ZNF680: variants seen among roughly 807,000 people sequenced by gnomAD.
ZNF680 encodes the protein hypothetical protein FLJ90430.
ZNF680 carries 6 observed loss-of-function variants against 12.1 expected under a neutral mutation model. The ratio of observed to expected loss-of-function variants is 0.49; its 90% CI spans 0.27 to 0.98. The LOEUF (loss-of-function observed/expected upper bound fraction) is 0.98, where lower values mean the gene tolerates loss of function less well. Among genes scored for constraint, ZNF680 ranks in the 50% least tolerant of loss-of-function variants. ZNF680 has a pLI of 0.12. For synonymous variants in ZNF680, 170 were observed against 199.3 expected (o/e 0.85, Z 1.24); for missense variants, 561 against 616.3 (o/e 0.91, Z 0.95).
intron 1 of ZNF680, among the ~76,000 whole-genome samples, chr7:64,556,368 T>C (rs1186193112): frequency 6.6e-6 from 1 of 150,984 alleles, no homozygotes; most frequent in Non-Finnish European, 1.5e-5. Context: ...GCAGGTGGCA[T>C]TACATTACCT....
At chr7:64,542,946 GC>G (rs1379782331) in intron 3 of ZNF680, among the ~76,000 whole-genome samples, 1 of 152,146 alleles carries the variant, frequency 6.6e-6, no homozygotes, top group South Asian at 2.1e-4. Context: ...TGATCTCCCT[GC>G]CTTGGCCTCC....
chr7:64,534,715 T>C (rs942521378), intron 3 of ZNF680, among the ~76,000 whole-genome samples: 4 of 152,176 alleles, frequency 2.6e-5, no homozygotes, highest in Admixed American at 2.6e-4. Context: ...TGCACACGCA[T>C]GTTTATAGCA....
intron 3 of ZNF680, among the ~76,000 whole-genome samples, chr7:64,523,465 CAGAG>C (rs1791654905): frequency 6.6e-6 from 1 of 151,828 alleles, no homozygotes; most frequent in East Asian, 1.9e-4. Context: ...CCAAGGATGA[CAGAG>C]AGAAAATCAG....
chr7:64,557,590 A>C (rs879343080), intron 1 of ZNF680, among the ~76,000 whole-genome samples: 15 of 151,784 alleles, frequency 9.9e-5, no homozygotes, highest in East Asian at 1.9e-4. Flanking sequence ...CAAAACAAAA[A>C]AAAACTTACC....
chr7:64,499,839 T>C, the ZNF680 span, among the ~76,000 whole-genome samples: 6 of 152,288 alleles, frequency 3.9e-5, no homozygotes, highest in East Asian at 1.2e-3. Context: ...CCTCATACAA[T>C]GGGCCCCAGT....
the ZNF680 span, among the ~76,000 whole-genome samples, chr7:64,504,347 G>GC: frequency 9.9e-5 from 15 of 152,258 alleles, no homozygotes; most frequent in East Asian, 2.9e-3. Flanking sequence ...GTATTCACGT[G>GC]CCAAACACTG....
Position 64,522,496 on chromosome 7 carries a change from T to G in ZNF680, c.258A>C (p.Ile86=). The G allele has an allele frequency of 6.8e-7, 1 of 1,473,146 alleles. No homozygotes were observed. The highest frequency in any genetic ancestry group is 1.8e-4 in the Middle Eastern group (1 of 5,452). 91.3% of individuals were successfully genotyped at this position (1,473,146 alleles called of 1,614,324 possible). The change falls in exon 4 of 4, where the codon ATA becomes ATC. Residue 86 remains isoleucine (I), a synonymous_variant. Coordinates refer to ENST00000309683, the MANE Select transcript of ZNF680 (RefSeq NM_178558.5). ...AAAGGTCTTCAGTGAAATGAGAATA[T>G]ATAACTGAAAGACATAAAAGTAACA... ...RQEMVAKPPV[I]YSHFTEDLWP...
the ZNF680 span, among the ~76,000 whole-genome samples, chr7:64,508,147 A>ATATATATATATATATATATATAT: frequency 9.0e-4 from 121 of 135,184 alleles, no homozygotes; most frequent in African/African-American, 2.8e-3. Flanking sequence ...ATATATACAT[A>ATATATATATATATATATATATAT]ATTTTTTTTT....
downstream of ZNF680, among the ~76,000 whole-genome samples, chr7:64,517,118 G>C (rs964375409): frequency 1.3e-5 from 2 of 151,506 alleles, no homozygotes; most frequent in South Asian, 4.1e-4. Context: ...GCTCAGTGCA[G>C]AACTAAATAA....
intron 1 of ZNF680, chr7:64,551,884 TTCTC>T (rs1423932697): frequency 6.6e-6 from 1 of 152,188 alleles, no homozygotes; most frequent in Non-Finnish European, 1.5e-5. Context: ...TATAAAATAT[TTCTC>T]TCTAAATACC....
intron 3 of ZNF680, among the ~76,000 whole-genome samples, chr7:64,541,833 C>A (rs1275124518): frequency 6.6e-6 from 1 of 151,320 alleles, no homozygotes; most frequent in African/African-American, 2.4e-5. Flanking sequence ...GGCAGGCCTG[C>A]AGACCTTGTC....
chr7:64,516,981 G>A (rs1791368356), downstream of ZNF680, among the ~76,000 whole-genome samples: 1 of 152,074 alleles, frequency 6.6e-6, no homozygotes, highest in South Asian at 2.1e-4. Flanking sequence ...TAAGAGGAAA[G>A]TCCATAGCTT....
the ZNF680 span, among the ~76,000 whole-genome samples, chr7:64,513,101 T>A: frequency 2.6e-5 from 4 of 152,112 alleles, no homozygotes; most frequent in Non-Finnish European, 5.9e-5. Flanking sequence ...TGCCCCTAAC[T>A]ATGCTAAAAA....
chr7:64,503,347 T>A, the ZNF680 span, among the ~76,000 whole-genome samples: 15 of 151,334 alleles, frequency 9.9e-5, no homozygotes, highest in Admixed American at 3.3e-4. Context: ...GAAAACAGAT[T>A]CTGCTATTAC....
intron 1 of ZNF680, among the ~76,000 whole-genome samples, chr7:64,555,320 G>A (rs999562530): frequency 6.8e-6 from 1 of 147,920 alleles, no homozygotes; most frequent in African/African-American, 2.5e-5. Context: ...ACAGAGCACA[G>A]CTTGATAAAA....
intron 1 of ZNF680, among the ~76,000 whole-genome samples, chr7:64,553,700 C>T (rs1787208685): frequency 6.6e-6 from 1 of 152,260 alleles, no homozygotes; most frequent in Non-Finnish European, 1.5e-5. Context: ...ATTCTCCTGC[C>T]TCAGCCTGCC....
chr7:64,514,834 G>A, the ZNF680 span, among the ~76,000 whole-genome samples: 2 of 152,188 alleles, frequency 1.3e-5, no homozygotes, highest in South Asian at 2.1e-4. Context: ...ACCTGAGGTC[G>A]GGAATTCAAG....
intron 1 of ZNF680, chr7:64,551,527 G>C (rs926955023): frequency 2.5e-5 from 4 of 160,834 alleles, no homozygotes; most frequent in African/African-American, 9.6e-5. Context: ...TGCAGGAGGA[G>C]AGCCTGCAGG....
intron 3 of ZNF680, among the ~76,000 whole-genome samples, chr7:64,533,180 CAA>C (rs1253972080): frequency 6.6e-6 from 1 of 152,096 alleles, no homozygotes; most frequent in East Asian, 1.9e-4. Flanking sequence ...AGCAATCAGA[CAA>C]GAGAAATAAA....
Sources: gnomAD v4.1 joint callset for allele counts (sites outside exome capture counted in the v4.1 genomes callset) on GRCh38, gnomAD v4.1.1 for gene constraint, MANE v1.5 for transcripts, NCBI Gene and HGNC (gene_info 2026-07-23, HGNC 2026-07-21) for gene names.